Variants in MECOM observed in about 807,000 individuals in gnomAD.
MECOM encodes histone-lysine N-methyltransferase MECOM.
MECOM carries 13 observed loss-of-function variants against 116.3 expected under a neutral mutation model. The observed-to-expected ratio is 0.11, with a 90% CI of 0.07 to 0.18. The LOEUF (loss-of-function observed/expected upper bound fraction) is 0.18, where lower values mean the gene tolerates loss of function less well. Ranked by LOEUF, MECOM falls within the 10% of genes least tolerant of loss-of-function variation. The pLI is 1.00. For synonymous variants in MECOM, 528 were observed against 535.2 expected (o/e 0.99, Z 0.19); for missense variants, 1,299 against 1,509.0 (o/e 0.86, Z 2.31).
intron 1 of MECOM, among the ~76,000 whole-genome samples, chr3:169,634,241 AAC>A (rs59934753): frequency 0.31 from 46,253 of 148,534 alleles, 7,044 homozygotes; most frequent in East Asian, 0.38. Flanking sequence ...TGTGTGCACA[AAC>A]ACACACACAC....
At chr3:169,544,218 C>T (rs889148842) in intron 1 of MECOM, among the ~76,000 whole-genome samples, 6 of 152,188 alleles carry the variant, frequency 3.9e-5, no homozygotes, top group Non-Finnish European at 8.8e-5. Context: ...GTTTACAAGG[C>T]TAAATGTGAT....
chr3:169,333,604 A>T (rs1368995832), intron 2 of MECOM, among the ~76,000 whole-genome samples: 3 of 152,138 alleles, frequency 2.0e-5, no homozygotes, highest in Non-Finnish European at 4.4e-5. Context: ...TTTTCACATT[A>T]TTTGTATTAC....
intron 12 of MECOM, among the ~76,000 whole-genome samples, chr3:169,098,235 C>G (rs1328725727): frequency 6.6e-6 from 1 of 152,132 alleles, no homozygotes; most frequent in Non-Finnish European, 1.5e-5. Context: ...CTCCAGTGCT[C>G]TTTTTCTGTT....
intron 2 of MECOM, among the ~76,000 whole-genome samples, chr3:169,166,524 T>C (rs1046166855): frequency 1.3e-5 from 2 of 152,226 alleles, no homozygotes; most frequent in East Asian, 3.8e-4. Context: ...TATGTGACTA[T>C]AAGCAAGGTA....
At chr3:169,166,135 C>T (rs971838589) in intron 2 of MECOM, among the ~76,000 whole-genome samples, 3 of 152,110 alleles carry the variant, frequency 2.0e-5, no homozygotes, top group African/African-American at 4.8e-5. Flanking sequence ...TCATAGGTAA[C>T]GCTTGCAGCA....
chr3:169,372,228 G>A (rs895651529), intron 2 of MECOM, among the ~76,000 whole-genome samples: 1 of 152,078 alleles, frequency 6.6e-6, no homozygotes, highest in Admixed American at 6.6e-5. Context: ...AAACTAATTT[G>A]GAGCAATTCT....
At chr3:169,568,042 T>C (rs1030606587) in intron 1 of MECOM, among the ~76,000 whole-genome samples, 1 of 151,966 alleles carries the variant, frequency 6.6e-6, no homozygotes, top group African/African-American at 2.4e-5. Context: ...TTGGGACTCG[T>C]TGGACAGTGG....
intron 1 of MECOM, among the ~76,000 whole-genome samples, chr3:169,614,011 G>C (rs573974199): frequency 6.6e-6 from 1 of 152,102 alleles, no homozygotes; most frequent in East Asian, 1.9e-4. Flanking sequence ...AATAAAAACT[G>C]ATGAGCTCAC....
chr3:169,398,694 T>G (rs1356880976), intron 1 of MECOM, among the ~76,000 whole-genome samples: 1 of 152,180 alleles, frequency 6.6e-6, no homozygotes, highest in East Asian at 1.9e-4. Context: ...GGCCTCCTAC[T>G]GTTCTGAGAG....
chr3:169,497,283 A>G (rs753308771), intron 1 of MECOM, among the ~76,000 whole-genome samples: 2 of 151,598 alleles, frequency 1.3e-5, no homozygotes, highest in Non-Finnish European at 2.9e-5. Context: ...TTTACTCCCA[A>G]TGCTTCTTTT....
chr3:169,573,595 G>A (rs1353429573), intron 1 of MECOM, among the ~76,000 whole-genome samples: 1 of 152,070 alleles, frequency 6.6e-6, no homozygotes, highest in Non-Finnish European at 1.5e-5. Context: ...AGACCTTAGC[G>A]GATTTCATCC....
chr3:169,093,447 A>T (rs975970), intron 13 of MECOM, among the ~76,000 whole-genome samples: 83,225 of 152,104 alleles, frequency 0.55, 23,130 homozygotes, highest in Admixed American at 0.64. Context: ...TTTTAAATAG[A>T]TTCTGCCAAG....
intron 2 of MECOM, among the ~76,000 whole-genome samples, chr3:169,251,966 G>A (rs1467805446): frequency 6.6e-6 from 1 of 152,084 alleles, no homozygotes; most frequent in African/African-American, 2.4e-5. Flanking sequence ...TATACCCATT[G>A]TATAGTTTTT....
chr3:169,347,368 C>T (rs1212789735), intron 2 of MECOM, among the ~76,000 whole-genome samples: 3 of 152,034 alleles, frequency 2.0e-5, no homozygotes, highest in East Asian at 3.9e-4. Context: ...TATAGGTACA[C>T]ATTTGAAAGA....
At chr3:169,116,963 T>C (rs982170241) in intron 7 of MECOM, among the ~76,000 whole-genome samples, 1 of 152,148 alleles carries the variant, frequency 6.6e-6, no homozygotes, top group Non-Finnish European at 1.5e-5. Context: ...ATTTCATATA[T>C]ATAGATATAT....
At chr3:169,416,198 A>G (rs1159237523) in intron 1 of MECOM, among the ~76,000 whole-genome samples, 1 of 152,214 alleles carries the variant, frequency 6.6e-6, no homozygotes, top group Non-Finnish European at 1.5e-5. Context: ...GTGCAATCAA[A>G]TTAGAACTCA....
intron 1 of MECOM, among the ~76,000 whole-genome samples, chr3:169,402,808 G>A (rs1736105338): frequency 1.3e-5 from 2 of 152,070 alleles, no homozygotes; most frequent in South Asian, 4.2e-4. Context: ...ACTTTACGAT[G>A]TTCAATATTC....
intron 1 of MECOM, among the ~76,000 whole-genome samples, chr3:169,418,404 C>T (rs139550202): frequency 0.012 from 1,843 of 152,224 alleles, 17 homozygotes; most frequent in Non-Finnish European, 0.018. Flanking sequence ...TTTTACGAGG[C>T]CAGCATCATC....
intron 1 of MECOM, among the ~76,000 whole-genome samples, chr3:169,423,956 C>T (rs565519304): frequency 1.3e-5 from 2 of 152,178 alleles, no homozygotes; most frequent in East Asian, 3.9e-4. Context: ...GACAGATGTG[C>T]CCTGACATAG....
Sources: allele counts gnomAD v4.1 joint callset (sites outside exome capture counted in the v4.1 genomes callset), GRCh38; gene constraint gnomAD v4.1.1; transcripts MANE v1.5; gene names NCBI Gene and HGNC (gene_info 2026-07-23, HGNC 2026-07-21).